Variants in PPM1E observed in about 807,000 individuals in gnomAD.
PPM1E encodes the protein protein phosphatase, Mg2+/Mn2+ dependent 1E.
In PPM1E, 20 loss-of-function variants were observed where a neutral mutation model predicts 65.9. The observed-to-expected ratio is 0.30, with a 90% CI of 0.21 to 0.44. The LOEUF (loss-of-function observed/expected upper bound fraction) is 0.44. Among genes scored for constraint, PPM1E ranks in the 20% least tolerant of loss-of-function variants. The pLI is 1.00. For missense variants in PPM1E, 713 were observed against 953.1 expected (o/e 0.75, Z 3.32); for synonymous variants, 352 against 374.9 (o/e 0.94, Z 0.70).
intron 1 of PPM1E, among the ~76,000 whole-genome samples, chr17:58,855,746 A>ACAAAC (rs2050875838): frequency 6.6e-6 from 1 of 152,196 alleles, no homozygotes. Context: ...CATAATAGTA[A>ACAAAC]CAAACCATCC....
chr17:58,879,259 G>A (rs888645903), intron 1 of PPM1E, among the ~76,000 whole-genome samples: 9 of 101,086 alleles, frequency 8.9e-5, no homozygotes, highest in African/African-American at 3.8e-4. Context: ...TACTTGGAGT[G>A]CATTATCTCC....
chr17:58,858,428 G>C (rs1004736148), intron 1 of PPM1E, among the ~76,000 whole-genome samples: 2 of 151,920 alleles, frequency 1.3e-5, no homozygotes, highest in Non-Finnish European at 2.9e-5. Flanking sequence ...CTGTAATTTA[G>C]TATCCTTTAA....
At chr17:58,930,374 G>T (rs1311483231) in intron 1 of PPM1E, among the ~76,000 whole-genome samples, 1 of 151,990 alleles carries the variant, frequency 6.6e-6, no homozygotes, top group Non-Finnish European at 1.5e-5. Context: ...TGAGGCAGGA[G>T]GATCACTTGA....
intron 1 of PPM1E, among the ~76,000 whole-genome samples, chr17:58,880,467 G>A (rs1014660039): frequency 2.0e-5 from 3 of 152,200 alleles, no homozygotes; most frequent in Admixed American, 6.5e-5. Flanking sequence ...GAATAGGGCA[G>A]TGAGAGTCTG....
At position 58,756,040 on chromosome 17, in the gene PPM1E, C is replaced by G; in HGVS notation, c.43C>G (p.Leu15Val). Residue 15 changes from leucine (L) to valine (V), a missense_variant, in exon 1 of 7, where the codon CTG (leucine) becomes GTG (valine). By Grantham distance (32) the Leu-to-Val change is conservative. Around this residue, in one of 6 missense-constraint regions of PPM1E, gnomAD observed 212 missense variants for 204.0 expected, o/e 1.04. Transcript: ENST00000308249. ...TGAGGAGAAAACTTACCGGCGCTTC[C>G]TGGAGCTATTCCTGGGCGAGTTTCG... ...IPEEKTYRRF[L>V]ELFLGEFRGP... 6.2e-7 allele frequency: 1 copy of G among 1,614,030 alleles called. No individual in the cohort carries two copies. Among genetic ancestry groups the G allele is most frequent in the Non-Finnish European group, 8.5e-7 (1 of 1,179,922 alleles).
chr17:58,783,647 G>A (rs976687890), intron 1 of PPM1E, among the ~76,000 whole-genome samples: 4 of 152,188 alleles, frequency 2.6e-5, no homozygotes, highest in African/African-American at 9.7e-5. Flanking sequence ...ATTTTCTAGT[G>A]ATTAGAGCTG....
intron 1 of PPM1E, among the ~76,000 whole-genome samples, chr17:58,810,124 G>T (rs929014924): frequency 1.3e-5 from 2 of 152,148 alleles, no homozygotes; most frequent in Non-Finnish European, 2.9e-5. Flanking sequence ...GTGCTTAGTA[G>T]CTACGTGTGG....
chr17:58,811,770 A>C lies in PPM1E; in HGVS notation c.464+55309A>C, dbSNP rs376387209. ...TCTGCAACCTCCACCTCCCGGGGTC[A>C]AGCAATTCTCCTGCCTCAGCCTCCC... is the stretch of plus-strand genomic sequence containing the variant. On this transcript the variant is annotated intron_variant, in intron 1 of 6. Transcript: ENST00000308249. Among the ~76,000 whole-genome samples the C allele has an allele frequency of 3.1e-3, 465 of 152,154 alleles. 1 individual carries two copies. The highest frequency in any genetic ancestry group is 0.01 in the African/African-American group (436 of 41,528).
intron 1 of PPM1E, among the ~76,000 whole-genome samples, chr17:58,888,833 AT>A (rs1370453514): frequency 1.3e-5 from 2 of 152,226 alleles, no homozygotes; most frequent in African/African-American, 4.8e-5. Context: ...TAATTATTAG[AT>A]AGTTGAATGT....
intron 1 of PPM1E, among the ~76,000 whole-genome samples, chr17:58,824,936 A>G (rs9897326): frequency 0.64 from 96,512 of 151,622 alleles, 31,088 homozygotes; most frequent in African/African-American, 0.71. Context: ...CTTGCATTGT[A>G]TTACTGTGGA....
intron 1 of PPM1E, among the ~76,000 whole-genome samples, chr17:58,871,534 G>A (rs565842718): frequency 6.6e-5 from 10 of 152,184 alleles, no homozygotes; most frequent in African/African-American, 2.4e-4. Flanking sequence ...GAAACTTTAG[G>A]CCAGGCACAG....
At chr17:58,854,981 T>C (rs1164406554) in intron 1 of PPM1E, among the ~76,000 whole-genome samples, 1 of 152,166 alleles carries the variant, frequency 6.6e-6, no homozygotes, top group Admixed American at 6.5e-5. Context: ...CAGGTACCAG[T>C]ATCAGAGTAG....
intron 1 of PPM1E, among the ~76,000 whole-genome samples, chr17:58,885,787 A>G (rs2051258024): frequency 6.6e-6 from 1 of 152,198 alleles, no homozygotes; most frequent in African/African-American, 2.4e-5. Context: ...CATGTCTGGA[A>G]TACCCCTCTT....
At chr17:58,823,548 G>A (rs1365943243) in intron 1 of PPM1E, among the ~76,000 whole-genome samples, 1 of 152,136 alleles carries the variant, frequency 6.6e-6, no homozygotes, top group Non-Finnish European at 1.5e-5. Flanking sequence ...GCTGCTATCT[G>A]AATCACCTGT....
At position 58,929,080 on chromosome 17, in the gene PPM1E, A is replaced by G. The variant is rs139927973; in HGVS notation, c.465-26569A>G. Among the ~76,000 whole-genome samples the G allele has an allele frequency of 6.6e-4, 101 of 152,316 alleles. 1 individual carries two copies. Among genetic ancestry groups the G allele is most frequent in the African/African-American group, 2.4e-3 (100 of 41,564 alleles). On this transcript the variant is annotated intron_variant, in intron 1 of 6. Transcript: ENST00000308249. Reference sequence around the variant, plus strand: ...CAGCCCACGTATTCATCAATAGAAGAATAAATAAACTGCAGTATGTTAATA... The same window carrying G: ...CAGCCCACGTATTCATCAATAGAAGGATAAATAAACTGCAGTATGTTAATA...
intron 1 of PPM1E, among the ~76,000 whole-genome samples, chr17:58,844,793 T>G (rs1415999466): frequency 6.6e-6 from 1 of 152,214 alleles, no homozygotes; most frequent in Non-Finnish European, 1.5e-5. Flanking sequence ...TGCAAAAACA[T>G]GATTTCTCTT....
At chr17:58,956,446 AAAAAACAAAAAAC>A (rs1480044185) in intron 2 of PPM1E, among the ~76,000 whole-genome samples, 6 of 123,582 alleles carry the variant, frequency 4.9e-5, no homozygotes, top group African/African-American at 1.8e-4. Context: ...AAAAAAAAAC[AAAAAACAAAAAAC>A]AAAAAAAAAA....
chr17:58,839,824 G>C (rs1439493319), intron 1 of PPM1E, among the ~76,000 whole-genome samples: 1 of 152,146 alleles, frequency 6.6e-6, no homozygotes, highest in Non-Finnish European at 1.5e-5. Flanking sequence ...TACTAGAACA[G>C]CTCATATATA....
At chr17:58,768,102 C>A (rs777703080) in intron 1 of PPM1E, among the ~76,000 whole-genome samples, 19 of 152,040 alleles carry the variant, frequency 1.2e-4, no homozygotes, top group Non-Finnish European at 2.6e-4. Context: ...AGGTGCCTGC[C>A]ACCTTGCCCA....
Sources: gnomAD v4.1 joint callset for allele counts (sites outside exome capture counted in the v4.1 genomes callset) on GRCh38, gnomAD v4.1.1 for gene constraint, gnomAD v4.1.1 regional missense constraint, MANE v1.5 for transcripts, NCBI Gene and HGNC (gene_info 2026-07-23, HGNC 2026-07-21) for gene names.